CCNG2: variants seen among roughly 807,000 people sequenced by gnomAD.
The protein encoded by CCNG2 is cyclin-G2.
Under a neutral mutation model 36.5 loss-of-function variants are expected in CCNG2, and 20 were observed. That is an observed-to-expected ratio of 0.55 (90% CI 0.39 to 0.80). The LOEUF (loss-of-function observed/expected upper bound fraction) is 0.80. Ranked by LOEUF, CCNG2 falls within the 30% of genes least tolerant of loss-of-function variation. The pLI, the probability that CCNG2 is intolerant of heterozygous loss-of-function variation, is 0.00. For synonymous variants in CCNG2, 155 were observed against 140.1 expected, an observed-to-expected ratio of 1.11 and a Z score of -0.75; for missense variants, 358 against 390.8, an observed-to-expected ratio of 0.92 and a Z score of 0.71.
chr4:77,159,046 G>C lies in CCNG2; in HGVS notation c.139-321G>C, dbSNP rs547094445. Among the ~76,000 whole-genome samples the C allele has an allele frequency of 3.3e-5, 5 of 152,318 alleles. No homozygotes were observed. The South Asian group carries it at 1.0e-3, about 32-fold the overall frequency. ...AATGACTTTAGAAAAGCAAACAAAA[G>C]AACCCTTTCTCTCCATTCCAAGGGA... On this transcript the variant is annotated intron_variant, in intron 2 of 7. Transcript: ENST00000316355.
chr4:77,168,041 A>G lies in CCNG2; in HGVS notation c.*2117A>G, dbSNP rs1057102967. ...TTCATCTCTTCCCCCTGTGGTTTTC[A>G]GTGTATTTAGTCGAGACCTCTCTGC... On this transcript the variant is annotated 3_prime_UTR_variant, in exon 8 of 8. Transcript: ENST00000316355. 1.6e-4 allele frequency: 24 copies of G among 152,032 alleles called. No homozygotes were observed. The highest frequency in any genetic ancestry group is 5.3e-4 in the African/African-American group (22 of 41,368). 9.4% of individuals were successfully genotyped at this position (152,032 alleles called of 1,614,324 possible).
chr4:77,158,055 C>CCGGG (rs970604714), intron 1 of CCNG2, among the ~76,000 whole-genome samples: 4 of 151,942 alleles, frequency 2.6e-5, no homozygotes, highest in Admixed American at 2.6e-4. Context: ...GCTGGGCGCC[C>CCGGG]CGGGCGGGCG....
chr4:77,161,329 T>G, intron 4 of CCNG2, 151 bp from the exon 5 acceptor site: 7 of 609,056 alleles, frequency 1.1e-5, no homozygotes, highest in Non-Finnish European at 2.9e-6. Flanking sequence ...CTCGAACTCC[T>G]GACCTTAGGT....
chr4:77,163,039 A>G (rs1441814988), intron 6 of CCNG2, among the ~76,000 whole-genome samples: 2 of 152,122 alleles, frequency 1.3e-5, no homozygotes, highest in African/African-American at 2.4e-5. Flanking sequence ...GATGAGAGCA[A>G]TATGATTTTA....
chr4:77,162,867 AGGT>A (rs916231607), intron 6 of CCNG2, among the ~76,000 whole-genome samples: 3 of 152,022 alleles, frequency 2.0e-5, no homozygotes, highest in African/African-American at 7.2e-5. Flanking sequence ...TACAATGTCT[AGGT>A]GGTAGTCACA....
intron 7 of CCNG2, 193 bp downstream of exon 7, chr4:77,164,672 C>T (rs1021079542): frequency 2.0e-6 from 1 of 497,902 alleles, no homozygotes; most frequent in East Asian, 3.2e-5. Context: ...TTTATAAGGT[C>T]CTCTCCAATT....
intron 6 of CCNG2, among the ~76,000 whole-genome samples, chr4:77,163,367 G>T (rs1480552690): frequency 6.6e-6 from 1 of 152,154 alleles, no homozygotes; most frequent in Non-Finnish European, 1.5e-5. Context: ...AATGAAAATT[G>T]AAGGTCATTG....
At chr4:77,165,565 C>A (rs1731607559) in intron 7 of CCNG2, among the ~76,000 whole-genome samples, 1 of 151,882 alleles carries the variant, frequency 6.6e-6, no homozygotes, top group South Asian at 2.1e-4. Flanking sequence ...CTTCGGCCTC[C>A]CAAAGTGCTA....
At position 77,162,501 on chromosome 4, in the gene CCNG2, A is replaced by G. The variant is rs575594063; in HGVS notation, c.705+754A>G. 4.8e-3 allele frequency among the ~76,000 whole-genome samples: 708 copies of G among 148,652 alleles called. 4 individuals are homozygous for G. Among genetic ancestry groups the G allele is most frequent in the African/African-American group, 0.017 (685 of 40,208 alleles). On this transcript the variant is annotated intron_variant, in intron 6 of 7. Transcript: ENST00000316355. ...GGGTTCAAGTGATTCTCCTGCGTCAACCTCCCGAGTAGCTGGGGCTACAGG... is the reference window on the plus strand; with the variant it reads ...GGGTTCAAGTGATTCTCCTGCGTCAGCCTCCCGAGTAGCTGGGGCTACAGG...
chr4:77,162,267 A>G (rs1164353037), intron 6 of CCNG2, among the ~76,000 whole-genome samples: 1 of 152,140 alleles, frequency 6.6e-6, no homozygotes, highest in Non-Finnish European at 1.5e-5. Flanking sequence ...TTTTTCTTAA[A>G]CTCTCAGTCT....
In CCNG2 at chr4:77,169,161, C is replaced by G. The variant is rs1225248692; in HGVS notation, c.*3237C>G. 6.6e-6 allele frequency: 1 copy of G among 152,168 alleles called. No individual in the cohort carries two copies. Among genetic ancestry groups the G allele is most frequent in the Non-Finnish European group, 1.5e-5 (1 of 68,028 alleles). 9.4% of individuals were successfully genotyped at this position (152,168 alleles called of 1,614,324 possible). A position where few individuals can be genotyped will look rare whatever the true frequency, so the allele number is the denominator to read the frequency against. On this transcript the variant is annotated 3_prime_UTR_variant, in exon 8 of 8. Coordinates refer to ENST00000316355, the MANE Select transcript of CCNG2 (RefSeq NM_004354.3). ...TCCTCGTGACAATTTTAACCATTTT[C>G]TTTGTCTAGAGTCTGCCTTTTTCTT...
rs1241235855 is a variant in CCNG2, at chr4:77,164,272, A to G, written c.706-2A>G. On this transcript the variant is annotated splice_acceptor_variant, in intron 6 of 7. Transcript: ENST00000316355. LOFTEE classifies it high-confidence loss of function. ...TAACCTCTTAAAATATTTTTTTTTC[A>G]GATTAATGACACTGAGTTCTTCTAC... The G allele has an allele frequency of 6.2e-7, 1 of 1,608,820 alleles. No homozygotes were observed. The highest frequency in any genetic ancestry group is 2.2e-5 in the East Asian group (1 of 44,834).
intron 2 of CCNG2, 113 bp from the exon 3 acceptor site, chr4:77,159,253 GA>G: frequency 5.5e-6 from 5 of 916,690 alleles, no homozygotes; most frequent in Non-Finnish European, 6.5e-6. Flanking sequence ...AAGATTGAGG[GA>G]AAAAAATTAA....
At chr4:77,158,808 T>G in intron 2 of CCNG2, 138 bp downstream of exon 2, 2 of 784,660 alleles carry the variant, frequency 2.5e-6, no homozygotes, top group Non-Finnish European at 4.1e-6. Flanking sequence ...AAGATAAACC[T>G]TATTACAGGT....
intron 6 of CCNG2, 65 bp downstream of exon 6, chr4:77,161,812 C>T: frequency 1.0e-6 from 1 of 958,410 alleles, no homozygotes; most frequent in Non-Finnish European, 1.6e-6. Context: ...TCTGTGGTGA[C>T]TTAAACATTA....
rs532626076 is a variant in CCNG2, at chr4:77,157,454, C to G, written c.-53C>G. 3.2e-4 allele frequency: 49 copies of G among 152,338 alleles called. No homozygotes were observed. Among genetic ancestry groups the G allele is most frequent in the African/African-American group, 1.2e-3 (48 of 41,554 alleles). The allele number at this position is 152,338 out of a possible 1,614,324, so 9.4% of individuals were successfully genotyped here. ...CAGGTTTGGAAGCCCCCGCTGCGCC[C>G]AGTCCGTGCGGACCGCGAGGCCGCG... On this transcript the variant is annotated 5_prime_UTR_variant, in exon 1 of 8. Coordinates refer to ENST00000316355, the MANE Select transcript of CCNG2 (RefSeq NM_004354.3).
chr4:77,158,172 G>C (rs1014475756), intron 1 of CCNG2: 1 of 202,334 alleles, frequency 4.9e-6, no homozygotes, highest in Non-Finnish European at 1.0e-5. Flanking sequence ...GCAGTCGCTC[G>C]CCACACTGCA....
rs142649018 is a variant in CCNG2, at chr4:77,165,199, A to T, written c.912-602A>T. On this transcript the variant is annotated intron_variant, in intron 7 of 7. Transcript: ENST00000316355. ...TTTCATTTTCATAGCTTGTTAGTTT[A>T]CTTTGATATTTGACAGTGTAAGTGG... is the stretch of plus-strand genomic sequence containing the variant. Among the ~76,000 whole-genome samples, 6 of 152,302 alleles carry T rather than the reference A, an allele frequency of 3.9e-5. No individual in the cohort carries two copies. The East Asian group carries it at 1.2e-3, about 29-fold the overall frequency.
At chr4:77,163,924 G>A (rs917087964) in intron 6 of CCNG2, among the ~76,000 whole-genome samples, 49 of 152,164 alleles carry the variant, frequency 3.2e-4, no homozygotes, top group Non-Finnish European at 5.1e-4. Flanking sequence ...CTTGATAGCT[G>A]ATTTATTAAC....
Sources: allele counts gnomAD v4.1 joint callset (sites outside exome capture counted in the v4.1 genomes callset), GRCh38; gene constraint gnomAD v4.1.1; transcripts MANE v1.5; gene names NCBI Gene and HGNC (gene_info 2026-07-23, HGNC 2026-07-21).